Variants in CRYL1 observed in about 807,000 individuals in gnomAD.
CRYL1 encodes the protein crystallin lambda 1.
A neutral mutation model predicts 36.6 loss-of-function variants in CRYL1; 29 were observed. That is an observed-to-expected ratio of 0.79 (90% CI 0.59 to 1.08). The LOEUF (loss-of-function observed/expected upper bound fraction) is 1.08, where lower values mean the gene tolerates loss of function less well. Ranked by LOEUF, CRYL1 falls within the 50% of genes least tolerant of loss-of-function variation. The probability of loss-of-function intolerance (pLI) is 0.00; values close to 1 mark genes in which losing one functional copy is unlikely to be tolerated. For missense variants in CRYL1, 411 were observed against 407.9 expected, an observed-to-expected ratio of 1.01 and a Z score of -0.06; for synonymous variants, 152 against 151.5, an observed-to-expected ratio of 1.00 and a Z score of -0.02.
chr13:20,499,232 GCTACT>G (rs1170848633), intron 2 of CRYL1, among the ~76,000 whole-genome samples: 1 of 151,826 alleles, frequency 6.6e-6, no homozygotes, highest in East Asian at 1.9e-4. Context: ...TGTAGTCTCA[GCTACT>G]CTGGAGGCTG....
chr13:20,475,757 C>G (rs1444213883), intron 3 of CRYL1, among the ~76,000 whole-genome samples: 1 of 152,150 alleles, frequency 6.6e-6, no homozygotes, highest in African/African-American at 2.4e-5. Flanking sequence ...CTCAGAGAAA[C>G]CAGGGACCCT....
chr13:20,441,758 T>G (rs1254218526), intron 3 of CRYL1, among the ~76,000 whole-genome samples: 1 of 152,196 alleles, frequency 6.6e-6, no homozygotes, highest in East Asian at 1.9e-4. Flanking sequence ...AAATCAGCTG[T>G]GTAAATAGTG....
intron 5 of CRYL1, chr13:20,431,113 C>A: frequency 6.1e-6 from 6 of 985,370 alleles, no homozygotes; most frequent in Non-Finnish European, 3.6e-6. Context: ...AAGCAGGCCG[C>A]GGGAGGCCAC....
chr13:20,465,199 C>A (rs947550359), intron 3 of CRYL1, among the ~76,000 whole-genome samples: 1 of 152,124 alleles, frequency 6.6e-6, no homozygotes, highest in African/African-American at 2.4e-5. Context: ...TCTAAGCATG[C>A]CCAGAAGTGG....
At chr13:20,404,823 G>A (rs1381027569) in intron 6 of CRYL1, 82 bp from the exon 7 acceptor site, 10 of 958,004 alleles carry the variant, frequency 1.0e-5, no homozygotes, top group Admixed American at 1.8e-5. Context: ...TGCATTCAGA[G>A]AGTTTCACCC....
intron 6 of CRYL1, among the ~76,000 whole-genome samples, chr13:20,411,790 T>C (rs1013504872): frequency 2.6e-5 from 4 of 152,186 alleles, no homozygotes; most frequent in African/African-American, 9.7e-5. Flanking sequence ...CTGGAGCAGA[T>C]TCCCCTCTTC....
At chr13:20,434,302 C>T (rs2032152127) in intron 4 of CRYL1, among the ~76,000 whole-genome samples, 1 of 152,168 alleles carries the variant, frequency 6.6e-6, no homozygotes, top group Admixed American at 6.5e-5. Context: ...CAGGAACTTT[C>T]CTGTCTTACA....
chr13:20,453,722 C>A (rs1387123874), intron 3 of CRYL1, among the ~76,000 whole-genome samples: 2 of 151,958 alleles, frequency 1.3e-5, no homozygotes, highest in African/African-American at 4.8e-5. Flanking sequence ...AATCTGGTTT[C>A]TTAGGGAAAA....
chr13:20,466,836 T>C (rs1565973931), intron 3 of CRYL1, among the ~76,000 whole-genome samples: 1 of 152,186 alleles, frequency 6.6e-6, no homozygotes, highest in African/African-American at 2.4e-5. Flanking sequence ...TAATTCAACA[T>C]TTTTGATAAT....
chr13:20,473,023 C>G (rs984049879), intron 3 of CRYL1: 1 of 152,228 alleles, frequency 6.6e-6, no homozygotes, highest in Non-Finnish European at 1.5e-5. Context: ...GATCCAGTCT[C>G]TTTGGTGGAA....
chr13:20,460,525 T>A (rs1328697797), intron 3 of CRYL1, among the ~76,000 whole-genome samples: 1 of 126,826 alleles, frequency 7.9e-6, no homozygotes, highest in Non-Finnish European at 1.6e-5. Context: ...TTTTTTTTTT[T>A]TTTTTTTTTT....
chr13:20,431,431 G>A (rs920894167), intron 5 of CRYL1: 23 of 985,254 alleles, frequency 2.3e-5, no homozygotes, highest in African/African-American at 5.2e-5. Context: ...AAGGGAGGCC[G>A]GACAGTTCCA....
chr13:20,412,286 C>G (rs756096007), intron 6 of CRYL1, among the ~76,000 whole-genome samples: 2 of 152,088 alleles, frequency 1.3e-5, no homozygotes, highest in Admixed American at 6.5e-5. Context: ...GAGAGACATA[C>G]GAGAGACTCT....
rs571381036 is a variant in CRYL1, at chr13:20,492,016, C to T, written c.150-2520G>A. On this transcript the variant is annotated intron_variant, in intron 2 of 7. Transcript: ENST00000298248. ...TGAAACATCATGGAGGGAAATATAACAAAAAGGGTCATGAGAAAAGGTTCC... is the reference window on the plus strand; with the variant it reads ...TGAAACATCATGGAGGGAAATATAATAAAAAGGGTCATGAGAAAAGGTTCC... Among the ~76,000 whole-genome samples the T allele has an allele frequency of 1.2e-3, 182 of 152,124 alleles. 1 individual carries two copies. The highest frequency in any genetic ancestry group is 6.8e-3 in the Middle Eastern group (2 of 294).
chr13:20,462,778 AGGAAC>A (rs2032856850), intron 3 of CRYL1, among the ~76,000 whole-genome samples: 1 of 151,854 alleles, frequency 6.6e-6, no homozygotes, highest in African/African-American at 2.4e-5. Context: ...CAATACCTGC[AGGAAC>A]GGTACCATCC....
intron 1 of CRYL1, among the ~76,000 whole-genome samples, chr13:20,519,117 C>T (rs1444083554): frequency 1.3e-5 from 2 of 152,166 alleles, no homozygotes; most frequent in South Asian, 2.1e-4. Flanking sequence ...AAGTGTGTGA[C>T]TGGGTGAGAT....
At chr13:20,517,603 T>TA (rs1418803003) in intron 1 of CRYL1, among the ~76,000 whole-genome samples, 1 of 145,412 alleles carries the variant, frequency 6.9e-6, no homozygotes, top group East Asian at 2.1e-4. Flanking sequence ...CTCAAAAAAA[T>TA]AAAAAAAGTA....
chr13:20,498,261 AC>A (rs1269876348), intron 2 of CRYL1, among the ~76,000 whole-genome samples: 2 of 151,120 alleles, frequency 1.3e-5, no homozygotes, highest in African/African-American at 2.4e-5. Context: ...CACTACACAC[AC>A]CCCATATACA....
chr13:20,507,723 C>T lies in CRYL1; in HGVS notation c.149+4720G>A, dbSNP rs192508162. Among the ~76,000 whole-genome samples, 178 of 151,964 alleles carry T rather than the reference C, an allele frequency of 1.2e-3. 2 individuals carry two copies. The highest frequency in any genetic ancestry group is 1.9e-3 in the Admixed American group (29 of 15,264). ...CACAAGGTCAGGAGATCGAGACCATCCTGGCTAACACAGTGAAACCCCGTC... is the reference window on the plus strand; with the variant it reads ...CACAAGGTCAGGAGATCGAGACCATTCTGGCTAACACAGTGAAACCCCGTC... On this transcript the variant is annotated intron_variant, in intron 2 of 7. Transcript: ENST00000298248.
Sources: gnomAD v4.1 joint callset for allele counts (sites outside exome capture counted in the v4.1 genomes callset) on GRCh38, gnomAD v4.1.1 for gene constraint, MANE v1.5 for transcripts, NCBI Gene and HGNC (gene_info 2026-07-23, HGNC 2026-07-21) for gene names.